The following CSRNP3 variants were observed in gnomAD, a reference collection of about 807,000 sequenced individuals.
CSRNP3 encodes cysteine/serine-rich nuclear protein 3.
CSRNP3 carries 12 observed loss-of-function variants against 48.0 expected under a neutral mutation model. The observed-to-expected ratio is 0.25, with a 90% CI of 0.16 to 0.41. The LOEUF (loss-of-function observed/expected upper bound fraction) is 0.41, where lower values mean the gene tolerates loss of function less well. CSRNP3 is among the 10% of genes least tolerant of loss of function. The pLI, the probability that CSRNP3 is intolerant of heterozygous loss-of-function variation, is 1.00. For synonymous variants in CSRNP3, 263 were observed against 269.7 expected, an observed-to-expected ratio of 0.98 and a Z score of 0.24; for missense variants, 580 against 724.4, an observed-to-expected ratio of 0.80 and a Z score of 2.29.
In CSRNP3 at chr2:165,681,760, T is replaced by TATAC. The variant is rs1291170889; in HGVS notation, c.*2008_*2009insTACA. Reference sequence around the variant, plus strand: ...ATATATATATATATATATATATATATACACACACACACACACATACACATA... The same window carrying TATAC: ...ATATATATATATATATATATATATATATACACACACACACACACACATACACATA... On this transcript the variant is annotated 3_prime_UTR_variant, in exon 7 of 7. Coordinates refer to ENST00000651982, the MANE Select transcript of CSRNP3 (RefSeq NM_001172173.2). The TATAC allele has an allele frequency of 7.6e-3, 340 of 44,652 alleles. 1 individual carries two copies. The highest frequency in any genetic ancestry group is 0.023 in the Middle Eastern group (2 of 88). 2.8% of individuals were successfully genotyped at this position (44,652 alleles called of 1,614,324 possible). A position where few individuals can be genotyped will look rare whatever the true frequency, so the allele number is the denominator to read the frequency against.
intron 3 of CSRNP3, among the ~76,000 whole-genome samples, chr2:165,528,078 A>G (rs1386879553): frequency 1.3e-5 from 2 of 152,202 alleles, no homozygotes; most frequent in Non-Finnish European, 2.9e-5. Context: ...TATTATGTCT[A>G]TAAATTAGCA....
chr2:165,565,130 C>G (rs1685280801), intron 3 of CSRNP3, among the ~76,000 whole-genome samples: 1 of 151,992 alleles, frequency 6.6e-6, no homozygotes, highest in African/African-American at 2.4e-5. Context: ...ATGCTATGGC[C>G]TACAAAGAGT....
At chr2:165,507,483 A>G (rs890216163) in intron 2 of CSRNP3, among the ~76,000 whole-genome samples, 1 of 152,136 alleles carries the variant, frequency 6.6e-6, no homozygotes, top group African/African-American at 2.4e-5. Flanking sequence ...GCTCCTCTGT[A>G]TTCACCCTAT....
rs1687515218 is a variant in CSRNP3 at position 165,680,471 on chromosome 2, T to G, written c.*718T>G. On this transcript the variant is annotated 3_prime_UTR_variant, in exon 7 of 7. Coordinates refer to ENST00000651982, the MANE Select transcript of CSRNP3 (RefSeq NM_001172173.2). Reference sequence around the variant, plus strand: ...ACACAGTTTTCTCTAAAGTTAAGAGTTAGGACAATCCTCTGGGGAGAGTCT... The same window carrying G: ...ACACAGTTTTCTCTAAAGTTAAGAGGTAGGACAATCCTCTGGGGAGAGTCT... The G allele has an allele frequency of 6.6e-6, 1 of 152,636 alleles. No individual in the cohort carries two copies. Among genetic ancestry groups the G allele is most frequent in the Admixed American group, 6.6e-5 (1 of 15,264 alleles). 9.5% of individuals were successfully genotyped at this position (152,636 alleles called of 1,614,324 possible).
At chr2:165,573,376 C>T (rs756774496) in intron 3 of CSRNP3, among the ~76,000 whole-genome samples, 7 of 152,062 alleles carry the variant, frequency 4.6e-5, no homozygotes, top group Non-Finnish European at 8.8e-5. Flanking sequence ...AAAATATGTA[C>T]ACACATGACT....
chr2:165,643,795 C>T (rs1332408353), intron 4 of CSRNP3, among the ~76,000 whole-genome samples: 4 of 152,152 alleles, frequency 2.6e-5, no homozygotes, highest in African/African-American at 9.7e-5. Context: ...ATCACCATTA[C>T]CCCTACAACA....
At chr2:165,538,829 C>A (rs768581629) in intron 3 of CSRNP3, among the ~76,000 whole-genome samples, 1 of 152,074 alleles carries the variant, frequency 6.6e-6, no homozygotes, top group South Asian at 2.1e-4. Context: ...TAGAGATACA[C>A]TTCTCACTTA....
At chr2:165,599,059 T>A (rs1685856005) in intron 4 of CSRNP3, among the ~76,000 whole-genome samples, 1 of 151,204 alleles carries the variant, frequency 6.6e-6, no homozygotes, top group African/African-American at 2.4e-5. Flanking sequence ...GGGTCTCAAA[T>A]CCCCATCTCT....
chr2:165,661,824 A>G (rs924494424), intron 5 of CSRNP3, among the ~76,000 whole-genome samples: 3 of 152,176 alleles, frequency 2.0e-5, no homozygotes, highest in African/African-American at 7.2e-5. Flanking sequence ...CTGACAAGAG[A>G]GACAGTTTCC....
chr2:165,649,109 C>T (rs1322975219), intron 4 of CSRNP3, among the ~76,000 whole-genome samples: 1 of 152,164 alleles, frequency 6.6e-6, no homozygotes, highest in Non-Finnish European at 1.5e-5. Context: ...TTTAGTCAAT[C>T]AGCTTCAAGG....
rs559376251 is a variant in CSRNP3, at chr2:165,498,446, GA to G, written c.-113+3520del. On this transcript the variant is annotated intron_variant, in intron 2 of 6. Coordinates refer to ENST00000651982, the MANE Select transcript of CSRNP3 (RefSeq NM_001172173.2). Reference sequence around the variant, plus strand: ...TTGCATTACTTGTTCAATAATTCAAGAATTCAGAAACCCACTTACCCTGCAT... The same window carrying G: ...TTGCATTACTTGTTCAATAATTCAAGATTCAGAAACCCACTTACCCTGCAT... 1.5e-3 allele frequency among the ~76,000 whole-genome samples: 232 copies of G among 152,042 alleles called. 1 individual carries two copies. Among genetic ancestry groups the G allele is most frequent in the African/African-American group, 5.3e-3 (218 of 41,502 alleles).
At chr2:165,551,716 CTG>C (rs1320238295) in intron 3 of CSRNP3, among the ~76,000 whole-genome samples, 1 of 152,078 alleles carries the variant, frequency 6.6e-6, no homozygotes, top group East Asian at 1.9e-4. Context: ...GATTTCCAAA[CTG>C]TATGGCTATA....
At chr2:165,523,884 G>C (rs1002553558) in intron 3 of CSRNP3, among the ~76,000 whole-genome samples, 1 of 152,114 alleles carries the variant, frequency 6.6e-6, no homozygotes, top group Non-Finnish European at 1.5e-5. Context: ...TCATTCTATT[G>C]CTCTTTGGTT....
chr2:165,542,606 A>G (rs923067723), intron 3 of CSRNP3, among the ~76,000 whole-genome samples: 5 of 152,176 alleles, frequency 3.3e-5, no homozygotes, highest in Non-Finnish European at 7.3e-5. Flanking sequence ...ATCAAAATGT[A>G]TGATCAATTC....
chr2:165,518,402 C>CT (rs1684608440), intron 3 of CSRNP3, among the ~76,000 whole-genome samples: 1 of 151,804 alleles, frequency 6.6e-6, no homozygotes, highest in Non-Finnish European at 1.5e-5. Flanking sequence ...TATTTCCTGA[C>CT]TTTTTTTAAC....
chr2:165,483,471 A>T (rs1671461938), intron 1 of CSRNP3, among the ~76,000 whole-genome samples: 1 of 152,162 alleles, frequency 6.6e-6, no homozygotes, highest in Admixed American at 6.5e-5. Flanking sequence ...ATTTTCTACC[A>T]TTACTTTTAA....
chr2:165,576,676 G>A (rs1685456481), intron 3 of CSRNP3, among the ~76,000 whole-genome samples: 1 of 151,928 alleles, frequency 6.6e-6, no homozygotes, highest in East Asian at 1.9e-4. Flanking sequence ...TTTTGCAATA[G>A]CTCGAGCCAT....
chr2:165,529,500 G>A (rs977829540), intron 3 of CSRNP3, among the ~76,000 whole-genome samples: 8 of 152,152 alleles, frequency 5.3e-5, no homozygotes, highest in Non-Finnish European at 4.4e-5. Context: ...CTCCAACCAC[G>A]TGGAATTGTG....
At position 165,523,034 on chromosome 2, in the gene CSRNP3, C is replaced by T. The variant is rs565673573; in HGVS notation, c.-24+5073C>T. ...CAAGCCACACAATCTCTCCCTTTCA[C>T]GATTAGTGCACCTGCTATTTTAACA... On this transcript the variant is annotated intron_variant, in intron 3 of 6. Coordinates refer to ENST00000651982, the MANE Select transcript of CSRNP3 (RefSeq NM_001172173.2). 1.4e-4 allele frequency among the ~76,000 whole-genome samples: 22 copies of T among 152,278 alleles called. No individual in the cohort carries two copies. In the South Asian group the frequency reaches 4.4e-3, roughly 30 times the overall value.
Sources: gnomAD v4.1 joint callset for allele counts (sites outside exome capture counted in the v4.1 genomes callset) on GRCh38, gnomAD v4.1.1 for gene constraint, MANE v1.5 for transcripts, NCBI Gene and HGNC (gene_info 2026-07-23, HGNC 2026-07-21) for gene names.